FBXW7: variants seen among roughly 807,000 people sequenced by gnomAD.
The protein encoded by FBXW7 is F-box and WD repeat domain containing 7, also known as F-box/WD repeat-containing protein 7.
Under a neutral mutation model 86.3 loss-of-function variants are expected in FBXW7, and 11 were observed. That is an observed-to-expected ratio of 0.13 (90% CI 0.08 to 0.21). FBXW7 has a LOEUF of 0.21. FBXW7 is among the 10% of genes least tolerant of loss of function. The pLI is 1.00. For missense variants in FBXW7, 488 were observed against 847.4 expected, an observed-to-expected ratio of 0.58 and a Z score of 5.27; for synonymous variants, 313 against 297.9, an observed-to-expected ratio of 1.05 and a Z score of -0.52.
At chr4:152,424,452 T>C (rs956864923) in intron 2 of FBXW7, among the ~76,000 whole-genome samples, 1 of 152,188 alleles carries the variant, frequency 6.6e-6, no homozygotes, top group Non-Finnish European at 1.5e-5. Context: ...AAACTTAGAA[T>C]AGTTCTATTA....
chr4:152,324,811 T>G (rs1172064899), intron 12 of FBXW7: 1 of 164,342 alleles, frequency 6.1e-6, no homozygotes, highest in Non-Finnish European at 1.3e-5. Context: ...GGAATGCTTA[T>G]CAGCACCTAA....
intron 6 of FBXW7, among the ~76,000 whole-genome samples, chr4:152,345,406 T>C (rs1731166872): frequency 6.6e-6 from 1 of 152,176 alleles, no homozygotes; most frequent in Admixed American, 6.6e-5. Context: ...CAGTGGCTTA[T>C]AACATTTTAA....
chr4:152,465,072 TTATTGGTCAG>T (rs1743278961), intron 2 of FBXW7, among the ~76,000 whole-genome samples: 1 of 152,104 alleles, frequency 6.6e-6, no homozygotes, highest in Non-Finnish European at 1.5e-5. Context: ...CCAAGGTGTA[TTATTGGTCAG>T]CAGAGCAGCA....
At chr4:152,348,850 T>C (rs1261309509) in intron 5 of FBXW7, 1 of 216,812 alleles carries the variant, frequency 4.6e-6, no homozygotes, top group African/African-American at 2.4e-5. Context: ...CCACACCCTC[T>C]GGTGGAAGTG....
rs544337778 is a variant in FBXW7, at chr4:152,373,868, C to G, written c.502-23744G>C. Among the ~76,000 whole-genome samples, 24 of 152,064 alleles carry G rather than the reference C, an allele frequency of 1.6e-4. 2 individuals carry two copies. The South Asian group carries it at 4.6e-3, about 29-fold the overall frequency. The stretch of plus-strand genomic sequence containing the variant: ...TTTATAGCCGGTGGCTTGCACAGCA[C>G]AGAGAATGCAAAGAAAACCGACAAT... On this transcript the variant is annotated intron_variant, in intron 4 of 13. Coordinates refer to ENST00000281708, the MANE Select transcript of FBXW7 (RefSeq NM_001349798.2).
chr4:152,435,620 T>C (rs943290184), intron 2 of FBXW7, among the ~76,000 whole-genome samples: 17 of 152,244 alleles, frequency 1.1e-4, no homozygotes, highest in African/African-American at 4.1e-4. Flanking sequence ...GTAGATATAA[T>C]AATTCAATGA....
chr4:152,387,299 C>G (rs967230907), intron 4 of FBXW7, among the ~76,000 whole-genome samples: 16 of 152,080 alleles, frequency 1.1e-4, no homozygotes, highest in Non-Finnish European at 2.2e-4. Flanking sequence ...AAAAAGTATA[C>G]CATTACTGAA....
At chr4:152,483,739 TTG>T (rs148908110) in intron 2 of FBXW7, among the ~76,000 whole-genome samples, 55 of 151,592 alleles carry the variant, frequency 3.6e-4, no homozygotes, top group Middle Eastern at 3.4e-3. Context: ...CCTTTCTGTG[TTG>T]TGTGTGTGTG....
chr4:152,497,343 C>CCA (rs753468896), intron 2 of FBXW7, among the ~76,000 whole-genome samples: 9,197 of 86,462 alleles, frequency 0.11, 476 homozygotes, highest in Middle Eastern at 0.18. Context: ...AAAAAAAAAA[C>CCA]CACACACACA....
chr4:152,465,074 A>C (rs1743279174), intron 2 of FBXW7, among the ~76,000 whole-genome samples: 1 of 151,946 alleles, frequency 6.6e-6, no homozygotes, highest in South Asian at 2.1e-4. Context: ...AAGGTGTATT[A>C]TTGGTCAGCA....
chr4:152,429,238 G>C (rs538299747), intron 2 of FBXW7, among the ~76,000 whole-genome samples: 4 of 152,134 alleles, frequency 2.6e-5, no homozygotes, highest in African/African-American at 4.8e-5. Flanking sequence ...AACTGTGTAC[G>C]TGAGTTTTTG....
intron 2 of FBXW7, among the ~76,000 whole-genome samples, chr4:152,518,588 C>T (rs368652171): frequency 6.6e-6 from 1 of 152,206 alleles, no homozygotes; most frequent in East Asian, 1.9e-4. Context: ...TAAGCCATCA[C>T]GCTCAGCTTC....
chr4:152,339,870 C>T (rs1022674368), intron 6 of FBXW7, among the ~76,000 whole-genome samples: 3 of 141,368 alleles, frequency 2.1e-5, no homozygotes, highest in African/African-American at 8.0e-5. Flanking sequence ...CTGCAACGAG[C>T]TATGATCATG....
intron 2 of FBXW7, among the ~76,000 whole-genome samples, chr4:152,434,282 G>C (rs1016764006): frequency 6.6e-6 from 1 of 152,118 alleles, no homozygotes; most frequent in African/African-American, 2.4e-5. Context: ...GTATATCCTT[G>C]CATTTTAAAG....
At position 152,418,987 on chromosome 4, in the gene FBXW7, A is replaced by G. The variant is rs146096580; in HGVS notation, c.-119-6458T>C. ...ATTCAAAAATAATAATTTTATGCAT[A>G]TATCAGCCTATACAAGAAGTAATCT... On this transcript the variant is annotated intron_variant, in intron 2 of 13. Coordinates refer to ENST00000281708, the MANE Select transcript of FBXW7 (RefSeq NM_001349798.2). 2.2e-4 allele frequency among the ~76,000 whole-genome samples: 34 copies of G among 152,288 alleles called. No individual in the cohort carries two copies. The East Asian group carries it at 6.4e-3, about 28-fold the overall frequency.
intron 4 of FBXW7, among the ~76,000 whole-genome samples, chr4:152,364,493 G>A (rs999926193): frequency 6.6e-6 from 1 of 152,148 alleles, no homozygotes; most frequent in Admixed American, 6.6e-5. Flanking sequence ...TGCTTCAAAT[G>A]TTCTTTGTTG....
chr4:152,329,606 C>T, intron 10 of FBXW7, 66 bp downstream of exon 10: 1 of 700,158 alleles, frequency 1.4e-6, no homozygotes, highest in Non-Finnish European at 2.3e-6. Context: ...TTCTTTTTTC[C>T]AGTTGCTACT....
chr4:152,458,606 A>C (rs985460598), intron 2 of FBXW7, among the ~76,000 whole-genome samples: 2 of 152,198 alleles, frequency 1.3e-5, no homozygotes, highest in South Asian at 2.1e-4. Context: ...ACATACATCC[A>C]TTTGCACATT....
chr4:152,533,955 G>A (rs566367381), intron 2 of FBXW7, among the ~76,000 whole-genome samples: 3 of 152,216 alleles, frequency 2.0e-5, no homozygotes, highest in Admixed American at 2.0e-4. Flanking sequence ...TTGTCTAGAC[G>A]GACCACAATT....
Sources: allele counts gnomAD v4.1 joint callset (sites outside exome capture counted in the v4.1 genomes callset), GRCh38; gene constraint gnomAD v4.1.1; transcripts MANE v1.5; gene names NCBI Gene and HGNC (gene_info 2026-07-23, HGNC 2026-07-21).